The following STXBP6 variants were observed in gnomAD, a reference collection of about 807,000 sequenced individuals.
STXBP6 encodes syntaxin-binding protein 6.
A neutral mutation model predicts 26.9 loss-of-function variants in STXBP6; 21 were observed. The observed-to-expected ratio is 0.78, with a 90% CI of 0.55 to 1.12. STXBP6 has a LOEUF of 1.12. STXBP6 is among the 50% of genes most tolerant of loss of function. The pLI, the probability that STXBP6 is intolerant of heterozygous loss-of-function variation, is 0.00. For missense variants in STXBP6, 232 were observed against 257.9 expected, an observed-to-expected ratio of 0.90 and a Z score of 0.69; for synonymous variants, 97 against 92.6, an observed-to-expected ratio of 1.05 and a Z score of -0.27.
At chr14:24,874,442 G>A (rs1051001923) in intron 2 of STXBP6, among the ~76,000 whole-genome samples, 1 of 151,972 alleles carries the variant, frequency 6.6e-6, no homozygotes. Context: ...TAGTTCCACC[G>A]ACGGGTACAG....
At chr14:24,924,710 G>T (rs1011924819) in intron 2 of STXBP6, among the ~76,000 whole-genome samples, 5 of 152,140 alleles carry the variant, frequency 3.3e-5, no homozygotes, top group African/African-American at 9.7e-5. Context: ...GGTGCTAGGG[G>T]ATGCCCAGAT....
At position 24,974,805 on chromosome 14, in the gene STXBP6, G is replaced by A; in HGVS notation, c.14C>T (p.Ser5Phe). The A allele has an allele frequency of 1.9e-6, 3 of 1,608,284 alleles. No homozygotes were observed. The South Asian group carries it at 3.3e-5, about 18-fold the overall frequency. ...TGCAAAAATTTCCTTGCTGATAGCA[G>A]ATTTGGCACTCATTGTAGAACAAGT... MSAK[S>F]AISKEIFAPL... Residue 5 changes from serine to phenylalanine, a missense_variant, in exon 2 of 6, where the codon TCT (serine) becomes TTT (phenylalanine). Transcript: ENST00000323944.
intron 1 of STXBP6, among the ~76,000 whole-genome samples, chr14:24,982,000 G>GA (rs2074205888): frequency 1.3e-5 from 2 of 152,144 alleles, no homozygotes; most frequent in Non-Finnish European, 2.9e-5. Context: ...ATATTTACAT[G>GA]CATAAAGAGA....
At chr14:24,872,383 T>C (rs1450280533) in intron 2 of STXBP6, among the ~76,000 whole-genome samples, 1 of 152,208 alleles carries the variant, frequency 6.6e-6, no homozygotes, top group Non-Finnish European at 1.5e-5. Context: ...TTTTCTCAGC[T>C]GCTGTGACTT....
At chr14:24,887,661 C>G (rs1363461882) in intron 2 of STXBP6, among the ~76,000 whole-genome samples, 1 of 152,060 alleles carries the variant, frequency 6.6e-6, no homozygotes, top group African/African-American at 2.4e-5. Context: ...GCCACAACTC[C>G]CTAATAGTAA....
intron 2 of STXBP6, among the ~76,000 whole-genome samples, chr14:24,973,183 T>C (rs1189353476): frequency 6.6e-6 from 1 of 152,148 alleles, no homozygotes; most frequent in Non-Finnish European, 1.5e-5. Context: ...GTGAGGCTAC[T>C]TCTTTCTTCC....
At chr14:24,918,620 G>A (rs2071862530) in intron 2 of STXBP6, among the ~76,000 whole-genome samples, 1 of 151,908 alleles carries the variant, frequency 6.6e-6, no homozygotes, top group Non-Finnish European at 1.5e-5. Flanking sequence ...AGTTAGAAGT[G>A]AAGATTTATC....
At chr14:24,865,291 T>C (rs1172112116) in intron 2 of STXBP6, among the ~76,000 whole-genome samples, 1 of 151,964 alleles carries the variant, frequency 6.6e-6, no homozygotes. Flanking sequence ...AGATGGGAAA[T>C]GAATAAGGTG....
intron 4 of STXBP6, among the ~76,000 whole-genome samples, chr14:24,828,455 TTTA>T (rs1487063470): frequency 6.6e-6 from 1 of 152,218 alleles, no homozygotes; most frequent in Admixed American, 6.5e-5. Flanking sequence ...AATTGGATGC[TTTA>T]TTGATTTTAA....
chr14:25,014,101 C>A (rs182166160), intron 1 of STXBP6, among the ~76,000 whole-genome samples: 1 of 152,114 alleles, frequency 6.6e-6, no homozygotes, highest in Non-Finnish European at 1.5e-5. Flanking sequence ...ACAAGATTGG[C>A]CATAAATTAA....
intron 4 of STXBP6, among the ~76,000 whole-genome samples, chr14:24,847,895 T>C (rs2069018626): frequency 6.6e-6 from 1 of 152,106 alleles, no homozygotes; most frequent in Non-Finnish European, 1.5e-5. Context: ...TCTATAAATG[T>C]CAAACATAAA....
At chr14:25,040,376 G>A (rs1298658688) in intron 1 of STXBP6, among the ~76,000 whole-genome samples, 1 of 152,144 alleles carries the variant, frequency 6.6e-6, no homozygotes, top group African/African-American at 2.4e-5. Context: ...ATATTTGAGA[G>A]CTAAAAGTCT....
At chr14:24,838,743 T>C (rs2138997258) in intron 4 of STXBP6, among the ~76,000 whole-genome samples, 1 of 152,180 alleles carries the variant, frequency 6.6e-6, no homozygotes, top group South Asian at 2.1e-4. Flanking sequence ...TCATGTCTTA[T>C]TAAGCACCTA....
intron 1 of STXBP6, among the ~76,000 whole-genome samples, chr14:25,036,207 A>C (rs199687196): frequency 8.0e-6 from 1 of 125,304 alleles, no homozygotes; most frequent in African/African-American, 3.5e-5. Context: ...ACAGAGCAAG[A>C]CTCCATCAAA....
In STXBP6 at chr14:25,033,723, AC is replaced by A. The variant is rs372095734; in HGVS notation, c.-33+16154del. ...CTAGGCCAAACTCCCTCAAACATGT[AC>A]CCCCCTGGAGCACTTACAACAGTTG... On this transcript the variant is annotated intron_variant, in intron 1 of 5. Transcript: ENST00000323944. 1.2e-3 allele frequency among the ~76,000 whole-genome samples: 182 copies of A among 151,962 alleles called. 4 individuals carry two copies. The East Asian group carries it at 0.033, about 28-fold the overall frequency.
intron 2 of STXBP6, among the ~76,000 whole-genome samples, chr14:24,860,460 G>T (rs74618186): frequency 0.03 from 4,635 of 152,184 alleles, 81 homozygotes; most frequent in Non-Finnish European, 0.047. Flanking sequence ...TCTGTTTCAA[G>T]GTCCAGTGGC....
chr14:24,930,174 C>A (rs1200546165), intron 2 of STXBP6, among the ~76,000 whole-genome samples: 1 of 152,164 alleles, frequency 6.6e-6, no homozygotes, highest in Non-Finnish European at 1.5e-5. Flanking sequence ...ATGGCTCATC[C>A]CACCGTTCTG....
intron 2 of STXBP6, among the ~76,000 whole-genome samples, chr14:24,915,361 TG>T (rs1364514413): frequency 1.3e-5 from 2 of 152,098 alleles, no homozygotes; most frequent in Admixed American, 1.3e-4. Flanking sequence ...ACACAAACTG[TG>T]GGGCATGGAT....
intron 4 of STXBP6, among the ~76,000 whole-genome samples, chr14:24,822,872 C>T (rs1441712814): frequency 6.6e-6 from 1 of 152,140 alleles, no homozygotes; most frequent in Non-Finnish European, 1.5e-5. Context: ...GGGAGTTTCA[C>T]ACGTATTTAT....
Sources: allele counts gnomAD v4.1 joint callset (sites outside exome capture counted in the v4.1 genomes callset), GRCh38; gene constraint gnomAD v4.1.1; transcripts MANE v1.5; gene names NCBI Gene and HGNC (gene_info 2026-07-23, HGNC 2026-07-21).